C16orf74: variants seen among roughly 807,000 people sequenced by gnomAD.
C16orf74 encodes calcimembrin, also known as uncharacterized protein C16orf74.
In C16orf74, 10 loss-of-function variants were observed where a neutral mutation model predicts 6.5. The observed-to-expected ratio is 1.54, with a 90% confidence interval of 0.95 to 2.61. The LOEUF (loss-of-function observed/expected upper bound fraction) is 2.61. C16orf74 is among the 30% of genes most tolerant of loss of function. The pLI, the probability that C16orf74 is intolerant of heterozygous loss-of-function variation, is 0.00. For missense variants in C16orf74, 141 were observed against 105.9 expected (o/e 1.33, Z -1.45); for synonymous variants, 60 against 42.5 (o/e 1.41, Z -1.60).
intron 2 of C16orf74, among the ~76,000 whole-genome samples, chr16:85,717,714 G>A (rs2054038900): frequency 6.6e-6 from 1 of 152,226 alleles, no homozygotes; most frequent in Admixed American, 6.5e-5. Context: ...CCCTCAGGGA[G>A]AACACTAGGA....
intron 1 of C16orf74, among the ~76,000 whole-genome samples, chr16:85,736,836 G>A (rs533924298): frequency 5.3e-4 from 81 of 152,252 alleles, no homozygotes; most frequent in African/African-American, 1.9e-3. Flanking sequence ...CGTGGATCAG[G>A]AGTTCAAGAC....
At chr16:85,725,444 C>T (rs2054123956) in intron 2 of C16orf74, among the ~76,000 whole-genome samples, 1 of 152,188 alleles carries the variant, frequency 6.6e-6, no homozygotes, top group Non-Finnish European at 1.5e-5. Context: ...TCCTAGAGCA[C>T]CAGTGCCTGG....
rs181419724 is a variant in C16orf74 at position 85,735,867 on chromosome 16, G to A, written c.-18-632C>T. ...AAATAGAAGCAGCAGCCAGTGGTGC[G>A]GGGCCCCTGCATGCTCTTGACACTC... On this transcript the variant is annotated intron_variant, in intron 1 of 3. Transcript: ENST00000284245. Among the ~76,000 whole-genome samples, 321 of 152,248 alleles carry A rather than the reference G, an allele frequency of 2.1e-3. 2 individuals are homozygous for A. Among genetic ancestry groups the A allele is most frequent in the African/African-American group, 7.3e-3 (304 of 41,556 alleles).
At chr16:85,720,875 G>A (rs2054075614) in intron 2 of C16orf74, among the ~76,000 whole-genome samples, 3 of 151,602 alleles carry the variant, frequency 2.0e-5, no homozygotes, top group Admixed American at 6.6e-5. Flanking sequence ...ATCACTTGAG[G>A]GCAGGAGTTC....
rs761865646 is a variant in C16orf74, at chr16:85,739,890, A to T, written c.-18-4655T>A. Among the ~76,000 whole-genome samples the T allele has an allele frequency of 2.8e-4, 43 of 152,172 alleles. 1 individual carries two copies. Among genetic ancestry groups the T allele is most frequent in the Non-Finnish European group, 5.3e-4 (36 of 68,032 alleles). On this transcript the variant is annotated intron_variant, in intron 1 of 3. Transcript: ENST00000284245. ...GTCAATATTAAGTTTTCTGATTCTG[A>T]TTATTGTACTGTGTTCTGTAAGAAA...
At chr16:85,735,165 G>C in intron 2 of C16orf74, 25 bp downstream of exon 2, 2 of 1,595,942 alleles carry the variant, frequency 1.3e-6, no homozygotes, top group Non-Finnish European at 1.7e-6. Context: ...ATGAGAGCTG[G>C]TGGGGGCAGA....
intron 2 of C16orf74, among the ~76,000 whole-genome samples, chr16:85,733,168 G>A (rs1216578936): frequency 6.6e-6 from 1 of 152,218 alleles, no homozygotes; most frequent in Non-Finnish European, 1.5e-5. Context: ...CATCGTTGGA[G>A]AAGTGGATAA....
rs765726101 is a variant in C16orf74, at chr16:85,708,079, G to A, written c.173-13C>T. The A allele has an allele frequency of 1.6e-5, 25 of 1,551,960 alleles. 1 individual carries two copies. Among genetic ancestry groups the A allele is most frequent in the Middle Eastern group, 1.7e-4 (1 of 5,996 alleles). ...TCATCCAGCCAGACTAGGAGAAAGA[G>A]GGGATGGACACCTGGATGCACCCTG... is the stretch of plus-strand genomic sequence containing the variant. On this transcript the variant is annotated splice_polypyrimidine_tract_variant and intron_variant, in intron 3 of 3. Transcript: ENST00000284245.
chr16:85,726,139 C>G (rs2054131029), intron 2 of C16orf74, among the ~76,000 whole-genome samples: 1 of 152,104 alleles, frequency 6.6e-6, no homozygotes, highest in African/African-American at 2.4e-5. Context: ...TTGCCTCATC[C>G]CCTCGACTGC....
chr16:85,745,978 G>A (rs928709831), intron 1 of C16orf74, among the ~76,000 whole-genome samples: 5 of 152,208 alleles, frequency 3.3e-5, no homozygotes, highest in African/African-American at 1.2e-4. Flanking sequence ...GAGAGAGATG[G>A]CCAGGTAAAA....
At chr16:85,726,744 G>C (rs1014963348) in intron 2 of C16orf74, among the ~76,000 whole-genome samples, 3 of 152,166 alleles carry the variant, frequency 2.0e-5, no homozygotes, top group East Asian at 3.8e-4. Context: ...ATTTCACAGA[G>C]CTCCTGTCCC....
chr16:85,743,976 C>T (rs1313431107), intron 1 of C16orf74: 1 of 151,902 alleles, frequency 6.6e-6, no homozygotes, highest in Non-Finnish European at 1.5e-5. Context: ...ACGGTGAGAA[C>T]CCAGGAGGCG....
At chr16:85,744,583 C>T (rs2054348660) in intron 1 of C16orf74, among the ~76,000 whole-genome samples, 1 of 152,186 alleles carries the variant, frequency 6.6e-6, no homozygotes, top group South Asian at 2.1e-4. Context: ...GAAATCCCAG[C>T]ACTTTGGGAG....
At chr16:85,741,838 G>A (rs1327909479) in intron 1 of C16orf74, 1 of 162,808 alleles carries the variant, frequency 6.1e-6, no homozygotes, top group Non-Finnish European at 1.5e-5. Flanking sequence ...TCCAGGACAG[G>A]GCCTGGGACA....
In C16orf74 at chr16:85,707,967, C is replaced by G; in HGVS notation, c.*41G>C. On this transcript the variant is annotated 3_prime_UTR_variant, in exon 4 of 4. Transcript: ENST00000284245. ...CGCCCCCGGACACCTGAAGCCGGGC[C>G]GCTGGAGCAGGAGCCAGCCAGCCAA... 3 of 1,535,000 alleles carry G rather than the reference C, an allele frequency of 2.0e-6. No individual in the cohort carries two copies. The highest frequency in any genetic ancestry group is 2.6e-6 in the Non-Finnish European group (3 of 1,133,424).
At chr16:85,710,396 C>A (rs981862193) in intron 2 of C16orf74, 89 bp from the exon 3 acceptor site, 3 of 1,305,228 alleles carry the variant, frequency 2.3e-6, no homozygotes, top group African/African-American at 3.1e-5. Flanking sequence ...GCGCCACCCT[C>A]CCTTCACTAT....
At chr16:85,730,316 G>A (rs2054174719) in intron 2 of C16orf74, among the ~76,000 whole-genome samples, 1 of 152,116 alleles carries the variant, frequency 6.6e-6, no homozygotes, top group Non-Finnish European at 1.5e-5. Flanking sequence ...TTTCTAGTTG[G>A]TGTGACTGTA....
chr16:85,734,097 T>G (rs2152063717), intron 2 of C16orf74, among the ~76,000 whole-genome samples: 1 of 152,268 alleles, frequency 6.6e-6, no homozygotes, highest in South Asian at 2.1e-4. Context: ...TCCAGTAAAT[T>G]CCTTGTTAAC....
chr16:85,739,751 G>A (rs940905144), intron 1 of C16orf74, among the ~76,000 whole-genome samples: 5 of 152,156 alleles, frequency 3.3e-5, no homozygotes, highest in African/African-American at 7.2e-5. Flanking sequence ...ACAGTGAGAC[G>A]TGATGGTGTC....
Sources: gnomAD v4.1 joint callset for allele counts (sites outside exome capture counted in the v4.1 genomes callset) on GRCh38, gnomAD v4.1.1 for gene constraint, MANE v1.5 for transcripts, NCBI Gene and HGNC (gene_info 2026-07-23, HGNC 2026-07-21) for gene names.